The following PDZRN3 variants were observed in gnomAD, a reference collection of about 807,000 sequenced individuals.
PDZRN3 encodes the protein E3 ubiquitin-protein ligase PDZRN3.
Under a neutral mutation model 85.7 loss-of-function variants are expected in PDZRN3, and 38 were observed. The ratio of observed to expected loss-of-function variants is 0.44; its 90% confidence interval spans 0.34 to 0.58. PDZRN3 has a LOEUF of 0.58. Among genes scored for constraint, PDZRN3 ranks in the 20% least tolerant of loss-of-function variants. The pLI is 0.01. For synonymous variants in PDZRN3, 759 were observed against 638.0 expected, an observed-to-expected ratio of 1.19 and a Z score of -2.86; for missense variants, 1,629 against 1,506.4, an observed-to-expected ratio of 1.08 and a Z score of -1.35.
chr3:73,492,247 C>T (rs1469524548), intron 3 of PDZRN3, among the ~76,000 whole-genome samples: 1 of 152,124 alleles, frequency 6.6e-6, no homozygotes, highest in Non-Finnish European at 1.5e-5. Context: ...AGATTTCTGT[C>T]TTCTCGTGCA....
At chr3:73,547,988 A>G (rs183245360) in intron 3 of PDZRN3, among the ~76,000 whole-genome samples, 2 of 152,230 alleles carry the variant, frequency 1.3e-5, no homozygotes. Flanking sequence ...TCAGAAACAT[A>G]TGGATTTCAT....
intron 3 of PDZRN3, among the ~76,000 whole-genome samples, chr3:73,528,232 G>A (rs911283712): frequency 2.6e-5 from 4 of 152,120 alleles, no homozygotes; most frequent in African/African-American, 9.7e-5. Flanking sequence ...ACCTTCCAAC[G>A]CCCAGTCCTG....
chr3:73,478,408 T>C (rs1477325173), intron 3 of PDZRN3, among the ~76,000 whole-genome samples: 3 of 152,144 alleles, frequency 2.0e-5, no homozygotes, highest in Non-Finnish European at 4.4e-5. Context: ...GCACTCCTTA[T>C]AGAAATCTAA....
chr3:73,547,790 T>C lies in PDZRN3; in HGVS notation c.918+54564A>G, dbSNP rs532493812. Among the ~76,000 whole-genome samples, 10 of 152,340 alleles carry C rather than the reference T, an allele frequency of 6.6e-5. No individual in the cohort carries two copies. In the South Asian group the frequency reaches 1.5e-3, roughly 22 times the overall value. ...GTCCACTGCAGACTCAGACCAGAGA[T>C]GGGTCAGGCCAGAGCCAGAGTCAAC... is the stretch of plus-strand genomic sequence containing the variant. On this transcript the variant is annotated intron_variant, in intron 3 of 9. Transcript: ENST00000263666.
intron 3 of PDZRN3, among the ~76,000 whole-genome samples, chr3:73,498,356 T>C (rs1703907978): frequency 6.6e-6 from 1 of 152,132 alleles, no homozygotes; most frequent in African/African-American, 2.4e-5. Context: ...CAGTTGGTAG[T>C]ATGTACCAAA....
intron 3 of PDZRN3, among the ~76,000 whole-genome samples, chr3:73,563,013 A>ATATATATTTTTT (rs1187151191): frequency 4.6e-5 from 2 of 43,762 alleles, no homozygotes; most frequent in Non-Finnish European, 7.4e-5. Flanking sequence ...ATATATATAT[A>ATATATATTTTTT]TTTTTTTTTT....
intron 3 of PDZRN3, among the ~76,000 whole-genome samples, chr3:73,476,817 C>T (rs1242409001): frequency 1.3e-5 from 2 of 152,142 alleles, no homozygotes; most frequent in Non-Finnish European, 1.5e-5. Context: ...GTGAGTGAGC[C>T]GTCATGGAAG....
At chr3:73,390,238 A>G (rs180965523) in intron 6 of PDZRN3, among the ~76,000 whole-genome samples, 9 of 152,332 alleles carry the variant, frequency 5.9e-5, no homozygotes, top group Admixed American at 3.3e-4. Context: ...TAGCAACTAT[A>G]CCTTATTTTA....
intron 5 of PDZRN3, among the ~76,000 whole-genome samples, chr3:73,400,620 TACAAGA>T (rs1376905148): frequency 1.3e-5 from 2 of 152,224 alleles, no homozygotes; most frequent in African/African-American, 4.8e-5. Flanking sequence ...TTATGTTAGT[TACAAGA>T]ATGTATGGAT....
chr3:73,556,744 C>G (rs1449449165), intron 3 of PDZRN3: 3 of 152,276 alleles, frequency 2.0e-5, no homozygotes, highest in African/African-American at 7.2e-5. Flanking sequence ...CACCAGAGAT[C>G]AGGCAGCAAG....
intron 8 of PDZRN3, among the ~76,000 whole-genome samples, chr3:73,386,702 G>A (rs1701397726): frequency 6.6e-6 from 1 of 152,218 alleles, no homozygotes; most frequent in South Asian, 2.1e-4. Context: ...TAGCAGTCAT[G>A]GCAGAGATGG....
At chr3:73,452,537 C>A (rs1270251721) in intron 3 of PDZRN3, among the ~76,000 whole-genome samples, 3 of 152,202 alleles carry the variant, frequency 2.0e-5, no homozygotes, top group Admixed American at 6.5e-5. Flanking sequence ...TCTACTTTCA[C>A]AGGGAACAAG....
intron 3 of PDZRN3, among the ~76,000 whole-genome samples, chr3:73,458,156 T>C (rs1044026247): frequency 6.6e-6 from 1 of 152,144 alleles, no homozygotes; most frequent in Non-Finnish European, 1.5e-5. Flanking sequence ...ACCCTCCAAA[T>C]GTGGCCCTTG....
chr3:73,384,593 C>T lies in PDZRN3; in HGVS notation c.1973G>A (p.Ser658Asn), dbSNP rs1559646847. ...GTAGTACAGGCCGTAAGGGGTGGCG[C>T]TCTTCACCTGGCACTTGAGCTCCAG... ...ELLELKCQVKSATPYGLYYPS... is the reference protein window; with the variant it reads ...ELLELKCQVKNATPYGLYYPS... Residue 658 changes from serine to asparagine, a missense_variant, in exon 10 of 10, where the codon AGC becomes AAC. Transcript: ENST00000263666. 3 of 1,613,796 alleles carry T rather than the reference C, an allele frequency of 1.9e-6. No individual in the cohort carries two copies. The highest frequency in any genetic ancestry group is 2.5e-6 in the Non-Finnish European group (3 of 1,180,036).
chr3:73,399,047 C>CA (rs1314502464), intron 5 of PDZRN3, among the ~76,000 whole-genome samples: 1 of 152,124 alleles, frequency 6.6e-6, no homozygotes, highest in East Asian at 1.9e-4. Context: ...AAACCATATG[C>CA]AAGCTCTCAC....
chr3:73,622,328 G>A (rs1335915458), intron 1 of PDZRN3, among the ~76,000 whole-genome samples: 1 of 152,238 alleles, frequency 6.6e-6, no homozygotes, highest in African/African-American at 2.4e-5. Flanking sequence ...TGCACGTAAG[G>A]AAAGGGGGCT....
intron 3 of PDZRN3, among the ~76,000 whole-genome samples, chr3:73,409,910 T>C (rs1325555784): frequency 2.0e-5 from 3 of 152,238 alleles, no homozygotes; most frequent in South Asian, 2.1e-4. Flanking sequence ...AGGTTCAGCA[T>C]ATCACAGTCA....
chr3:73,431,845 C>A (rs1361816635), intron 3 of PDZRN3, among the ~76,000 whole-genome samples: 2 of 151,430 alleles, frequency 1.3e-5, no homozygotes, highest in Admixed American at 6.6e-5. Flanking sequence ...CTTTTGGGGG[C>A]AGTCGTGTGT....
intron 3 of PDZRN3, among the ~76,000 whole-genome samples, chr3:73,530,049 A>T (rs769181137): frequency 1.6e-4 from 25 of 152,310 alleles, no homozygotes; most frequent in Non-Finnish European, 2.2e-4. Flanking sequence ...CTTCTTACCC[A>T]TTCATGTAAT....
Sources: gnomAD v4.1 joint callset for allele counts (sites outside exome capture counted in the v4.1 genomes callset) on GRCh38, gnomAD v4.1.1 for gene constraint, MANE v1.5 for transcripts, NCBI Gene and HGNC (gene_info 2026-07-23, HGNC 2026-07-21) for gene names.